The following NDFIP2 variants were observed in gnomAD, a reference collection of about 807,000 sequenced individuals.
The protein encoded by NDFIP2 is Nedd4 family interacting protein 2.
NDFIP2 carries 19 observed loss-of-function variants against 36.0 expected under a neutral mutation model. The observed-to-expected ratio is 0.53, with a 90% CI of 0.37 to 0.77. NDFIP2 has a LOEUF of 0.77. NDFIP2 is among the 30% of genes least tolerant of loss of function. NDFIP2 has a pLI of 0.00. For synonymous variants in NDFIP2, 181 were observed against 167.7 expected (o/e 1.08, Z -0.61); for missense variants, 446 against 435.8 (o/e 1.02, Z -0.21).
chr13:79,507,213 A>G (rs192345236), intron 1 of NDFIP2, among the ~76,000 whole-genome samples: 48 of 149,754 alleles, frequency 3.2e-4, no homozygotes, highest in African/African-American at 9.8e-4. Flanking sequence ...TTCAGTGCTT[A>G]CCATTATATC....
intron 4 of NDFIP2, among the ~76,000 whole-genome samples, chr13:79,541,492 C>G (rs1024765761): frequency 9.2e-5 from 14 of 151,596 alleles, no homozygotes; most frequent in South Asian, 2.1e-4. Context: ...TTTAATGCTT[C>G]CTGTTTTACA....
At chr13:79,535,674 C>T (rs908882088) in intron 3 of NDFIP2, among the ~76,000 whole-genome samples, 2 of 152,156 alleles carry the variant, frequency 1.3e-5, no homozygotes, top group African/African-American at 4.8e-5. Context: ...CTTCAGCACC[C>T]TCTTTGTGCA....
At chr13:79,502,171 A>T (rs930861938) in intron 1 of NDFIP2, among the ~76,000 whole-genome samples, 7 of 152,202 alleles carry the variant, frequency 4.6e-5, no homozygotes, top group African/African-American at 1.7e-4. Context: ...CACCAAGGTT[A>T]TCCAGCTCAT....
In NDFIP2 at chr13:79,481,645, G is replaced by GT. The variant is rs986236628; in HGVS notation, c.321+128dup. ...GCTTTTTTTTGTTGTGTTTTGTTTT[G>GT]TTTTTTTGGATCTTCTGGCTGGAGC... On this transcript the variant is annotated intron_variant, in intron 1 of 7. Transcript: ENST00000218652. The GT allele has an allele frequency of 1.1e-4, 133 of 1,259,854 alleles. 1 individual carries two copies. In the African/African-American group the frequency reaches 1.2e-3, roughly 12 times the overall value. The allele number at this position is 1,259,854 out of a possible 1,614,324, so 78.0% of individuals were successfully genotyped here.
chr13:79,528,295 A>G (rs559916355), intron 2 of NDFIP2, among the ~76,000 whole-genome samples: 1 of 152,214 alleles, frequency 6.6e-6, no homozygotes, highest in African/African-American at 2.4e-5. Context: ...TAGAAAAAAG[A>G]TTGTGGAATA....
chr13:79,547,501 T>C (rs1875733487), intron 5 of NDFIP2, among the ~76,000 whole-genome samples: 1 of 152,180 alleles, frequency 6.6e-6, no homozygotes, highest in East Asian at 1.9e-4. Flanking sequence ...GGCATTGTTT[T>C]AGGTGCTAAA....
chr13:79,513,063 A>G (rs1288067482), intron 1 of NDFIP2, among the ~76,000 whole-genome samples: 2 of 152,170 alleles, frequency 1.3e-5, no homozygotes, highest in African/African-American at 4.8e-5. Context: ...CTTTACTATA[A>G]TTGGATCATT....
At chr13:79,487,501 G>A (rs1425799063) in intron 1 of NDFIP2, among the ~76,000 whole-genome samples, 3 of 152,146 alleles carry the variant, frequency 2.0e-5, no homozygotes, top group Admixed American at 6.5e-5. Flanking sequence ...CTGTAAAGCT[G>A]ATAGGAATGA....
At chr13:79,512,440 T>C (rs1466078786) in intron 1 of NDFIP2, among the ~76,000 whole-genome samples, 1 of 151,800 alleles carries the variant, frequency 6.6e-6, no homozygotes, top group Non-Finnish European at 1.5e-5. Context: ...TATGTGGCAC[T>C]GGCTTTTGAG....
At chr13:79,534,548 C>T (rs1252279581) in intron 3 of NDFIP2, among the ~76,000 whole-genome samples, 1 of 152,056 alleles carries the variant, frequency 6.6e-6, no homozygotes, top group African/African-American at 2.4e-5. Context: ...TACTATTCTG[C>T]AGCCAGGTAA....
chr13:79,523,309 C>T (rs1874658702), intron 2 of NDFIP2, among the ~76,000 whole-genome samples: 1 of 152,166 alleles, frequency 6.6e-6, no homozygotes, highest in Non-Finnish European at 1.5e-5. Flanking sequence ...CAACCTTCAC[C>T]TCCTGGGTTC....
At position 79,553,508 on chromosome 13, in the gene NDFIP2, A is replaced by G. The variant is rs1875985128; in HGVS notation, c.*995A>G. The G allele has an allele frequency of 1.3e-5, 2 of 151,564 alleles. No homozygotes were observed. The highest frequency in any genetic ancestry group is 4.8e-5 in the African/African-American group (2 of 41,410). The allele number at this position is 151,564 out of a possible 1,614,324, so 9.4% of individuals were successfully genotyped here. A position where few individuals can be genotyped will look rare whatever the true frequency, so the allele number is the denominator to read the frequency against. On this transcript the variant is annotated 3_prime_UTR_variant, in exon 8 of 8. Coordinates refer to ENST00000218652, the MANE Select transcript of NDFIP2 (RefSeq NM_019080.3). ...ATTTGTGTTTGTCTTTTAAAAGGCC[A>G]ATAAAATATCTTTCAGTATCATTGT...
At position 79,548,305 on chromosome 13, in the gene NDFIP2, ATATATT is replaced by A. The variant is rs1403571020; in HGVS notation, c.841-19_841-14del. 2 of 1,497,216 alleles carry A rather than the reference ATATATT, an allele frequency of 1.3e-6. No homozygotes were observed. The highest frequency in any genetic ancestry group is 1.2e-5 in the South Asian group (1 of 83,030). The allele number at this position is 1,497,216 out of a possible 1,614,324, so 92.7% of individuals were successfully genotyped here. A position where few individuals can be genotyped will look rare whatever the true frequency, so the allele number is the denominator to read the frequency against. ...AAATTCAGGTGTATGAATTCGGTTA[ATATATT>A]TATGTTCACTCCATAGTTTTCTGAT... On this transcript the variant is annotated splice_polypyrimidine_tract_variant and intron_variant, in intron 5 of 7. Coordinates refer to ENST00000218652, the MANE Select transcript of NDFIP2 (RefSeq NM_019080.3).
chr13:79,484,819 G>C (rs1258561824), intron 1 of NDFIP2, among the ~76,000 whole-genome samples: 1 of 152,152 alleles, frequency 6.6e-6, no homozygotes, highest in Non-Finnish European at 1.5e-5. Context: ...AGATTGTGCT[G>C]TTTGCAATTT....
intron 1 of NDFIP2, among the ~76,000 whole-genome samples, chr13:79,498,170 T>C (rs1306710084): frequency 6.6e-6 from 1 of 151,914 alleles, no homozygotes; most frequent in Non-Finnish European, 1.5e-5. Context: ...AGAGCTTGAA[T>C]TTAGAGACAG....
chr13:79,533,054 AC>A (rs1440339676), intron 2 of NDFIP2, among the ~76,000 whole-genome samples: 1 of 152,068 alleles, frequency 6.6e-6, no homozygotes, highest in Non-Finnish European at 1.5e-5. Context: ...CTTGTCTGGC[AC>A]TCTTTTTCAG....
At chr13:79,534,826 A>G (rs1355865293) in intron 3 of NDFIP2, among the ~76,000 whole-genome samples, 1 of 152,198 alleles carries the variant, frequency 6.6e-6, no homozygotes, top group African/African-American at 2.4e-5. Context: ...AGAGAAGAGC[A>G]TGTGCCCTGA....
chr13:79,545,389 T>A, intron 5 of NDFIP2, among the ~76,000 whole-genome samples: 1 of 152,206 alleles, frequency 6.6e-6, no homozygotes, highest in East Asian at 1.9e-4. Context: ...GATGGGGAAC[T>A]TAAATTCAAA....
intron 2 of NDFIP2, among the ~76,000 whole-genome samples, chr13:79,531,678 T>C (rs1002751776): frequency 6.6e-6 from 1 of 152,210 alleles, no homozygotes; most frequent in Non-Finnish European, 1.5e-5. Flanking sequence ...ACTTTTCTTC[T>C]TTACCTTCCT....
Sources: allele counts gnomAD v4.1 joint callset (sites outside exome capture counted in the v4.1 genomes callset), GRCh38; gene constraint gnomAD v4.1.1; transcripts MANE v1.5; gene names NCBI Gene and HGNC (gene_info 2026-07-23, HGNC 2026-07-21).